Variants in PTCD3 observed in about 807,000 individuals in gnomAD.
PTCD3 encodes the protein pentatricopeptide repeat domain 3.
A neutral mutation model predicts 101.9 loss-of-function variants in PTCD3; 89 were observed. The ratio of observed to expected loss-of-function variants is 0.87; its 90% CI spans 0.74 to 1.04. The LOEUF (loss-of-function observed/expected upper bound fraction) is 1.04. Among genes scored for constraint, PTCD3 ranks in the 50% least tolerant of loss-of-function variants. The pLI is 0.00. For synonymous variants in PTCD3, 296 were observed against 278.5 expected (o/e 1.06, Z -0.63); for missense variants, 870 against 828.2 (o/e 1.05, Z -0.62).
intron 3 of PTCD3, 102 bp from the exon 4 acceptor site, chr2:86,111,011 C>A (rs550219030): frequency 2.9e-6 from 3 of 1,049,134 alleles, no homozygotes; most frequent in African/African-American, 3.1e-5. Flanking sequence ...CAGATGAGAT[C>A]TGCACTATGT....
rs772905191 is a variant in PTCD3, at chr2:86,108,362, T to C, written c.117T>C (p.Gly39=). Residue 39 remains glycine, a synonymous_variant, in exon 2 of 24, where the codon GGT becomes GGC. Coordinates refer to ENST00000254630, the MANE Select transcript of PTCD3 (RefSeq NM_017952.6). Reference sequence around the variant, plus strand: ...TGTTTTTTTGCAGATTTTATTCTGGTAGTGCAACCCTCTCAAAGGTTGAAG... The same window carrying C: ...TGTTTTTTTGCAGATTTTATTCTGGCAGTGCAACCCTCTCAAAGGTTGAAG... ...EQARSCRFYS[G]SATLSKVEGT... 135 of 1,608,622 alleles carry C rather than the reference T, an allele frequency of 8.4e-5. No individual in the cohort carries two copies. The Admixed American group carries it at 2.3e-3, about 27-fold the overall frequency.
intron 3 of PTCD3, among the ~76,000 whole-genome samples, chr2:86,109,304 G>C (rs1674030620): frequency 6.6e-6 from 1 of 152,154 alleles, no homozygotes; most frequent in Non-Finnish European, 1.5e-5. Context: ...CTACTCGGGA[G>C]GCTGAGGCAG....
rs546056258 is a variant in PTCD3 at position 86,126,060 on chromosome 2, C to T, written c.951+180C>T. ...GCCTGGCCAACATGGTGAAACCCGT[C>T]TCTACTAAAAGTACAAACAATTAGC... On this transcript the variant is annotated intron_variant, in intron 12 of 23. Transcript: ENST00000254630. 2.0e-5 allele frequency among the ~76,000 whole-genome samples: 3 copies of T among 152,072 alleles called. No individual in the cohort carries two copies. In the East Asian group the frequency reaches 5.8e-4, roughly 29 times the overall value.
chr2:86,133,573 C>G (rs1314630127), intron 19 of PTCD3, 137 bp downstream of exon 19: 1 of 883,002 alleles, frequency 1.1e-6, no homozygotes, highest in Admixed American at 2.7e-5. Context: ...AGATGTACTT[C>G]AAGGTCATGT....
rs751534703 is a variant in PTCD3 at position 86,134,867 on chromosome 2, CTGA to C, written c.1660_1662del (p.Asp554del). ...CAGGTGGCATTTGCTGACTGTGCTG[CTGA>C]TATCAAATCTGCGTATGAAAGCCAA... On this transcript the variant is annotated inframe_deletion, in exon 21 of 24. Coordinates refer to ENST00000254630, the MANE Select transcript of PTCD3 (RefSeq NM_017952.6). 6.2e-7 allele frequency: 1 copy of C among 1,614,194 alleles called. No individual in the cohort carries two copies. The highest frequency in any genetic ancestry group is 2.2e-5 in the East Asian group (1 of 44,882).
chr2:86,112,028 G>C (rs1393863733), intron 4 of PTCD3: 1 of 150,622 alleles, frequency 6.6e-6, no homozygotes, highest in Non-Finnish European at 1.5e-5. Context: ...ACAGGTGTGA[G>C]CCACTGCGCC....
chr2:86,136,339 G>A (rs781185784), intron 21 of PTCD3, among the ~76,000 whole-genome samples, 182 bp from the exon 22 acceptor site: 46 of 146,614 alleles, frequency 3.1e-4, no homozygotes, highest in South Asian at 4.4e-4. Context: ...AAGCACCTGC[G>A]GTGATTCTCA....
intron 13 of PTCD3, 189 bp from the exon 14 acceptor site, chr2:86,127,752 G>A (rs1573855893): frequency 1.7e-6 from 1 of 591,918 alleles, no homozygotes; most frequent in South Asian, 2.1e-5. Flanking sequence ...AAGTGATACA[G>A]TCTTTGTGAT....
Position 86,134,893 on chromosome 2 carries a change from CAACCCA to C in PTCD3, c.1685_1690del (p.Gln562_Ile564delinsLeu). The C allele has an allele frequency of 6.2e-7, 1 of 1,614,156 alleles. No individual in the cohort carries two copies. The highest frequency in any genetic ancestry group is 8.5e-7 in the Non-Finnish European group (1 of 1,180,002). On this transcript the variant is annotated inframe_deletion, in exon 21 of 24. Transcript: ENST00000254630. The stretch of plus-strand genomic sequence containing the variant: ...TGATATCAAATCTGCGTATGAAAGC[CAACCCA>C]TCAGACAGACTGCTCAGGATTGGCC...
At position 86,130,679 on chromosome 2, in the gene PTCD3, T is replaced by G. The variant is rs1674480232; in HGVS notation, c.1179T>G (p.Ile393Met). 3 of 1,613,524 alleles carry G rather than the reference T, an allele frequency of 1.9e-6. No individual in the cohort carries two copies. The highest frequency in any genetic ancestry group is 2.5e-6 in the Non-Finnish European group (3 of 1,179,744). Residue 393 changes from isoleucine to methionine, a missense_variant, in exon 15 of 24, where the codon ATT becomes ATG. Transcript: ENST00000254630. The stretch of plus-strand genomic sequence containing the variant: ...CTTTAAAGAGATCATCCTTCATCAT[T>G]TATGATATAATGAATGAATTAATGG... ...GDPLKRSSFI[I>M]YDIMNELMGK...
chr2:86,107,600 A>G (rs926845258), intron 1 of PTCD3, among the ~76,000 whole-genome samples: 6 of 152,234 alleles, frequency 3.9e-5, no homozygotes, highest in Admixed American at 3.3e-4. Flanking sequence ...AAACTCAGTC[A>G]TGGGCCAATG....
chr2:86,137,784 A>ATG lies in PTCD3; in HGVS notation c.*225_*226insTG. The ATG allele has an allele frequency of 2.0e-6, 1 of 510,444 alleles. No homozygotes were observed. The highest frequency in any genetic ancestry group is 3.4e-6 in the Non-Finnish European group (1 of 294,840). The allele number at this position is 510,444 out of a possible 1,614,324, so 31.6% of individuals were successfully genotyped here. A position where few individuals can be genotyped will look rare whatever the true frequency, so the allele number is the denominator to read the frequency against. ...TGCACCATTAAAGGCTTAGCATTTAAGTAGCAACATTGCGGTTTTCAGACA... is the reference window on the plus strand; with the variant it reads ...TGCACCATTAAAGGCTTAGCATTTAATGGTAGCAACATTGCGGTTTTCAGACA... On this transcript the variant is annotated 3_prime_UTR_variant, in exon 24 of 24. Transcript: ENST00000254630.
intron 14 of PTCD3, among the ~76,000 whole-genome samples, chr2:86,130,371 A>G (rs541790272): frequency 2.2e-4 from 33 of 152,320 alleles, no homozygotes; most frequent in Middle Eastern, 6.8e-3. Context: ...TCTGCCGCCT[A>G]CTTCAGTAAG....
rs771776163 is a variant in PTCD3, at chr2:86,108,358, C to G, written c.113C>G (p.Ser38Cys). The G allele has an allele frequency of 1.9e-6, 3 of 1,608,036 alleles. No individual in the cohort carries two copies. Among genetic ancestry groups the G allele is most frequent in the East Asian group, 2.2e-5 (1 of 44,778 alleles). ...CEQARSCRFYSGSATLSKVEG... is the reference protein window; with the variant it reads ...CEQARSCRFYCGSATLSKVEG... ...CTTTTGTTTTTTTGCAGATTTTATT[C>G]TGGTAGTGCAACCCTCTCAAAGGTT... Residue 38 changes from serine to cysteine, a missense_variant, in exon 2 of 24, where the codon TCT becomes TGT. Physicochemically the swap from Ser to Cys is moderately radical, Grantham distance 112. Transcript: ENST00000254630.
chr2:86,124,950 G>A (rs1408236658), intron 9 of PTCD3, 45 bp from the exon 10 acceptor site: 1 of 1,605,576 alleles, frequency 6.2e-7, no homozygotes, highest in Non-Finnish European at 8.5e-7. Flanking sequence ...AGCTCTCATT[G>A]GTATTTCTTA....
At chr2:86,136,044 G>C in intron 21 of PTCD3, 1 of 518,744 alleles carries the variant, frequency 1.9e-6, no homozygotes, top group Non-Finnish European at 3.8e-6. Context: ...CTGAACCCCT[G>C]CTGTACTTTA....
chr2:86,137,830 T>TTGTC lies in PTCD3; in HGVS notation c.*272_*275dup, dbSNP rs1412950837. 2.7e-6 allele frequency: 1 copy of TTGTC among 373,380 alleles called. No individual in the cohort carries two copies. The highest frequency in any genetic ancestry group is 5.2e-6 in the Non-Finnish European group (1 of 193,944). The allele number at this position is 373,380 out of a possible 1,614,324, so 23.1% of individuals were successfully genotyped here. The stretch of plus-strand genomic sequence containing the variant: ...AGACACATGGTGAGGTCCATGGCTC[T>TTGTC]TGTCATCAGGATAAGCCTGCACACC... On this transcript the variant is annotated 3_prime_UTR_variant, in exon 24 of 24. Coordinates refer to ENST00000254630, the MANE Select transcript of PTCD3 (RefSeq NM_017952.6).
At chr2:86,133,137 T>C in intron 17 of PTCD3, 41 bp from the exon 18 acceptor site, 1 of 1,601,826 alleles carries the variant, frequency 6.2e-7, no homozygotes, top group East Asian at 2.2e-5. Flanking sequence ...TTGTTAGACA[T>C]AGGGACTTTA....
rs373005797 is a variant in PTCD3, at chr2:86,137,102, G to C, written c.1941G>C (p.Gln647His). Residue 647 changes from glutamine (Q) to histidine (H), a missense_variant, in exon 23 of 24, where the codon CAG becomes CAC. Gln to His is a conservative substitution (Grantham distance 24). Transcript: ENST00000254630. Reference sequence around the variant, plus strand: ...TACCTATTTGTGAGGGCCTCACCCAGAGAGTAATGAGTGATTTTGCAATCA... The same window carrying C: ...TACCTATTTGTGAGGGCCTCACCCACAGAGTAATGAGTGATTTTGCAATCA... ...FSLPICEGLT[Q>H]RVMSDFAINQ... 20 of 1,600,656 alleles carry C rather than the reference G, an allele frequency of 1.2e-5. No homozygotes were observed. Among genetic ancestry groups the C allele is most frequent in the Non-Finnish European group, 1.7e-5 (20 of 1,174,762 alleles).
Sources: allele counts gnomAD v4.1 joint callset (sites outside exome capture counted in the v4.1 genomes callset), GRCh38; gene constraint gnomAD v4.1.1; transcripts MANE v1.5; gene names NCBI Gene and HGNC (gene_info 2026-07-23, HGNC 2026-07-21).